NR3C2: variants seen among roughly 807,000 people sequenced by gnomAD.
NR3C2 encodes the protein nuclear receptor subfamily 3 group C member 2.
Under a neutral mutation model 86.4 loss-of-function variants are expected in NR3C2, and 15 were observed. That is an observed-to-expected ratio of 0.17 (90% CI 0.12 to 0.27). The LOEUF is 0.27. NR3C2 is among the 10% of genes least tolerant of loss of function. The pLI, the probability that NR3C2 is intolerant of heterozygous loss-of-function variation, is 1.00. For missense variants in NR3C2, 960 were observed against 1,195.6 expected (o/e 0.80, Z 2.91); for synonymous variants, 458 against 450.5 (o/e 1.02, Z -0.21).
chr4:148,238,423 G>A (rs72653893), intron 3 of NR3C2, among the ~76,000 whole-genome samples: 1 of 152,136 alleles, frequency 6.6e-6, no homozygotes, highest in African/African-American at 2.4e-5. Flanking sequence ...AACCAACACA[G>A]AAATGGACCT....
intron 2 of NR3C2, among the ~76,000 whole-genome samples, chr4:148,312,556 AG>A (rs1308393067): frequency 6.6e-6 from 1 of 152,242 alleles, no homozygotes; most frequent in Non-Finnish European, 1.5e-5. Flanking sequence ...GGCACATAGT[AG>A]GTACTAAAAT....
chr4:148,156,420 AAAAC>A (rs1241436026), intron 4 of NR3C2, among the ~76,000 whole-genome samples: 3 of 152,162 alleles, frequency 2.0e-5, no homozygotes, highest in Non-Finnish European at 4.4e-5. Flanking sequence ...TTACAAGAAA[AAAAC>A]AAACAACCCC....
chr4:148,148,836 G>A (rs1733983337), intron 6 of NR3C2, among the ~76,000 whole-genome samples: 1 of 152,172 alleles, frequency 6.6e-6, no homozygotes, highest in African/African-American at 2.4e-5. Context: ...TATGTTCTAT[G>A]AGAGAGGGAT....
intron 3 of NR3C2, among the ~76,000 whole-genome samples, chr4:148,203,750 C>T (rs182184299): frequency 2.0e-4 from 30 of 148,350 alleles, no homozygotes; most frequent in African/African-American, 6.9e-4. Context: ...CTAAAACATT[C>T]GATAATTAAC....
intron 8 of NR3C2, among the ~76,000 whole-genome samples, chr4:148,094,234 A>G (rs554728411): frequency 1.1e-4 from 17 of 152,386 alleles, no homozygotes; most frequent in African/African-American, 4.1e-4. Flanking sequence ...ACAAGTGTTG[A>G]CAAGGATATA....
intron 6 of NR3C2, among the ~76,000 whole-genome samples, chr4:148,141,486 T>C (rs6846376): frequency 0.034 from 5,133 of 152,018 alleles, 310 homozygotes; most frequent in African/African-American, 0.11. Flanking sequence ...CTAGACACTA[T>C]GGATAACTTT....
chr4:148,345,635 G>C (rs1388979936), intron 2 of NR3C2, among the ~76,000 whole-genome samples: 1 of 151,794 alleles, frequency 6.6e-6, no homozygotes, highest in African/African-American at 2.4e-5. Context: ...TGTTCTTCTA[G>C]TTAGTAAACT....
At chr4:148,153,583 C>T (rs1034572927) in intron 5 of NR3C2, among the ~76,000 whole-genome samples, 5 of 152,212 alleles carry the variant, frequency 3.3e-5, no homozygotes, top group Non-Finnish European at 5.9e-5. Flanking sequence ...GTCAGTGGAG[C>T]TTTCCCCAAC....
chr4:148,435,148 ACTT>A lies in NR3C2; in HGVS notation c.1710_1712del (p.Arg570del), dbSNP rs775684719. 5.0e-6 allele frequency: 8 copies of A among 1,614,130 alleles called. No individual in the cohort carries two copies. The highest frequency in any genetic ancestry group is 2.7e-5 in the African/African-American group (2 of 74,990). ...TGTATTCTAAGACCGGATACCCATC[ACTT>A]CTTCTAGACGACAGGTCGCCGTGTG... On this transcript the variant is annotated inframe_deletion, in exon 2 of 9. Coordinates refer to ENST00000358102, the MANE Select transcript of NR3C2 (RefSeq NM_000901.5).
At chr4:148,379,106 C>A (rs1300507266) in intron 2 of NR3C2, among the ~76,000 whole-genome samples, 2 of 152,056 alleles carry the variant, frequency 1.3e-5, no homozygotes, top group Non-Finnish European at 2.9e-5. Context: ...AGATTAAGCA[C>A]TACTAAAAAA....
chr4:148,326,743 T>C (rs966949821), intron 2 of NR3C2, among the ~76,000 whole-genome samples: 8 of 152,268 alleles, frequency 5.3e-5, no homozygotes, highest in African/African-American at 1.4e-4. Context: ...AGAGTTAACC[T>C]TTGTGATGGT....
chr4:148,089,873 TG>T (rs1730982743), intron 8 of NR3C2, among the ~76,000 whole-genome samples: 1 of 152,222 alleles, frequency 6.6e-6, no homozygotes, highest in Non-Finnish European at 1.5e-5. Context: ...GGGACCTCGA[TG>T]CCCTGGAGTC....
chr4:148,244,000 G>A (rs1362407552), intron 3 of NR3C2, among the ~76,000 whole-genome samples: 2 of 152,214 alleles, frequency 1.3e-5, no homozygotes, highest in African/African-American at 4.8e-5. Flanking sequence ...GTTTAAGTAA[G>A]AGAATGAGTT....
intron 6 of NR3C2, among the ~76,000 whole-genome samples, chr4:148,123,848 C>T (rs562232853): frequency 2.0e-5 from 3 of 152,366 alleles, no homozygotes; most frequent in South Asian, 2.1e-4. Context: ...CCCAGTGTTT[C>T]TCTGACCACC....
chr4:148,397,812 T>G (rs1000216162), intron 2 of NR3C2, among the ~76,000 whole-genome samples: 4 of 152,296 alleles, frequency 2.6e-5, no homozygotes, highest in Non-Finnish European at 4.4e-5. Flanking sequence ...CTAAAATATC[T>G]GGGATACTGT....
At chr4:148,405,270 A>G (rs1423146307) in intron 2 of NR3C2, among the ~76,000 whole-genome samples, 3 of 152,204 alleles carry the variant, frequency 2.0e-5, no homozygotes, top group Non-Finnish European at 4.4e-5. Flanking sequence ...TTTTCTCTCC[A>G]ACTCTCAAGG....
At chr4:148,171,672 G>A (rs768377523) in intron 4 of NR3C2, among the ~76,000 whole-genome samples, 1 of 152,216 alleles carries the variant, frequency 6.6e-6, no homozygotes, top group Non-Finnish European at 1.5e-5. Flanking sequence ...CCTGCTGTGC[G>A]GCCCAGTTCC....
At chr4:148,100,070 T>G (rs1015890763) in intron 8 of NR3C2, among the ~76,000 whole-genome samples, 1 of 152,222 alleles carries the variant, frequency 6.6e-6, no homozygotes, top group Non-Finnish European at 1.5e-5. Flanking sequence ...GCACATGTTC[T>G]ATGGGTTTGT....
At chr4:148,264,318 G>A (rs1740268775) in intron 2 of NR3C2, among the ~76,000 whole-genome samples, 1 of 152,154 alleles carries the variant, frequency 6.6e-6, no homozygotes, top group Non-Finnish European at 1.5e-5. Context: ...TTGGAAAATT[G>A]TTTGCATCCA....
Sources: gnomAD v4.1 joint callset for allele counts (sites outside exome capture counted in the v4.1 genomes callset) on GRCh38, gnomAD v4.1.1 for gene constraint, MANE v1.5 for transcripts, NCBI Gene and HGNC (gene_info 2026-07-23, HGNC 2026-07-21) for gene names.